The following PTDSS1 variants were observed in gnomAD, a reference collection of about 807,000 sequenced individuals.
PTDSS1 encodes phosphatidylserine synthase 1.
A neutral mutation model predicts 70.5 loss-of-function variants in PTDSS1; 45 were observed. The ratio of observed to expected loss-of-function variants is 0.64; its 90% CI spans 0.50 to 0.82. The LOEUF is 0.82. PTDSS1 is among the 40% of genes least tolerant of loss of function. PTDSS1 has a pLI of 0.00. For missense variants in PTDSS1, 417 were observed against 586.1 expected (o/e 0.71, Z 2.98); for synonymous variants, 188 against 203.8 (o/e 0.92, Z 0.66).
chr8:96,320,197 G>A (rs780800024), intron 9 of PTDSS1, 49 bp from the exon 10 acceptor site: 1 of 1,465,450 alleles, frequency 6.8e-7, no homozygotes, highest in Admixed American at 1.7e-5. Flanking sequence ...TAAAGTGTAT[G>A]CTCTGGTAAG....
chr8:96,330,830 T>C, intron 11 of PTDSS1, 196 bp from the exon 12 acceptor site: 1 of 563,240 alleles, frequency 1.8e-6, no homozygotes, highest in East Asian at 2.9e-5. Context: ...TTGTGGAAGA[T>C]TGATTCTGCA....
intron 6 of PTDSS1, among the ~76,000 whole-genome samples, chr8:96,301,833 T>C (rs981199955): frequency 3.3e-5 from 5 of 151,906 alleles, no homozygotes; most frequent in Non-Finnish European, 7.4e-5. Flanking sequence ...AGTTCTTTAG[T>C]GGTTTTACTT....
intron 10 of PTDSS1, among the ~76,000 whole-genome samples, chr8:96,326,417 T>C (rs996325829): frequency 3.9e-5 from 6 of 152,210 alleles, no homozygotes; most frequent in African/African-American, 1.2e-4. Context: ...TCAGAGAGAA[T>C]AAGTTGAAGT....
intron 10 of PTDSS1, among the ~76,000 whole-genome samples, chr8:96,329,983 G>A (rs1348124809): frequency 6.6e-6 from 1 of 152,182 alleles, no homozygotes; most frequent in Non-Finnish European, 1.5e-5. Flanking sequence ...CTTGCTTTCT[G>A]ATAGTAGAGT....
chr8:96,329,241 C>T (rs1811479720), intron 10 of PTDSS1, among the ~76,000 whole-genome samples: 1 of 152,134 alleles, frequency 6.6e-6, no homozygotes, highest in Admixed American at 6.5e-5. Flanking sequence ...GCTCAACAGC[C>T]AGGATGGCTT....
Position 96,312,910 on chromosome 8 carries a change from C to G in PTDSS1, c.1073+3288C>G, listed in dbSNP as rs574865367. ...TCCTCTCCTATCAAAACAGAAAACACTGAAGTGTGTGGTTTCCTTTAATCA... is the reference window on the plus strand; with the variant it reads ...TCCTCTCCTATCAAAACAGAAAACAGTGAAGTGTGTGGTTTCCTTTAATCA... On this transcript the variant is annotated intron_variant, in intron 9 of 12. Transcript: ENST00000517309. Among the ~76,000 whole-genome samples the G allele has an allele frequency of 1.6e-3, 246 of 152,328 alleles. 2 individuals are homozygous for G. Among genetic ancestry groups the G allele is most frequent in the Non-Finnish European group, 8.8e-4 (60 of 68,022 alleles).
At chr8:96,325,824 G>A (rs1811430899) in intron 10 of PTDSS1, among the ~76,000 whole-genome samples, 1 of 152,172 alleles carries the variant, frequency 6.6e-6, no homozygotes, top group Non-Finnish European at 1.5e-5. Context: ...CAAGATAGAG[G>A]AAAGTTATGG....
In PTDSS1 at chr8:96,333,793, T is replaced by C. The variant is rs942896655; in HGVS notation, c.*227T>C. On this transcript the variant is annotated 3_prime_UTR_variant, in exon 13 of 13. Transcript: ENST00000517309. ...TTGCCAACGTGGGGTCTCTTCTAAC[T>C]TCAGCACTTGACATGCGGTCACCGG... The C allele has an allele frequency of 8.6e-6, 6 of 700,540 alleles. No homozygotes were observed. The highest frequency in any genetic ancestry group is 1.6e-5 in the Non-Finnish European group (6 of 384,490). The allele number at this position is 700,540 out of a possible 1,614,324, so 43.4% of individuals were successfully genotyped here.
chr8:96,335,004 G>GA lies in PTDSS1; in HGVS notation c.*1440dup, dbSNP rs1278911103. ...GAATTCCAAGATGAACGGGTTGAAT[G>GA]AATCATGCCAGCCAGGGTCACATCC... On this transcript the variant is annotated 3_prime_UTR_variant, in exon 13 of 13. Coordinates refer to ENST00000517309, the MANE Select transcript of PTDSS1 (RefSeq NM_014754.3). 2 of 151,948 alleles carry GA rather than the reference G, an allele frequency of 1.3e-5. No individual in the cohort carries two copies. The allele number at this position is 151,948 out of a possible 1,614,324, so 9.4% of individuals were successfully genotyped here. A position where few individuals can be genotyped will look rare whatever the true frequency, so the allele number is the denominator to read the frequency against.
chr8:96,272,424 AT>A (rs934281419), intron 1 of PTDSS1, among the ~76,000 whole-genome samples: 4 of 152,098 alleles, frequency 2.6e-5, no homozygotes, highest in African/African-American at 9.7e-5. Context: ...CTTTGCTTTT[AT>A]TTTGTAACCT....
At chr8:96,306,729 T>G (rs1331724438) in intron 8 of PTDSS1, among the ~76,000 whole-genome samples, 173 bp downstream of exon 8, 1 of 152,226 alleles carries the variant, frequency 6.6e-6, no homozygotes, top group Non-Finnish European at 1.5e-5. Context: ...TCAGTAACAT[T>G]AACCAGACAT....
At position 96,299,805 on chromosome 8, in the gene PTDSS1, C is replaced by T. The variant is rs964046382; in HGVS notation, c.712C>T (p.Arg238Trp). 8.7e-6 allele frequency: 14 copies of T among 1,613,956 alleles called. No homozygotes were observed. The highest frequency in any genetic ancestry group is 1.1e-5 in the Non-Finnish European group (13 of 1,179,990). ...CATTTGGCTGGGCATGGTCGTTTGC[C>T]GGTTTTTAGAGATGAGGACTTACCA... is the stretch of plus-strand genomic sequence containing the variant. ...GGIWLGMVVCRFLEMRTYHWA... is the reference protein window; with the variant it reads ...GGIWLGMVVCWFLEMRTYHWA... The change falls in exon 6 of 13, where the codon CGG becomes TGG. Residue 238 changes from arginine to tryptophan, a missense_variant. Around this residue, in one of 3 missense-constraint regions of PTDSS1, gnomAD observed 272 missense variants for 429.5 expected, o/e 0.63. Transcript: ENST00000517309.
In PTDSS1 at chr8:96,306,385, A is replaced by G. The variant is rs906697440; in HGVS notation, c.895-59A>G. 1.6e-5 allele frequency: 19 copies of G among 1,178,618 alleles called. No homozygotes were observed. In the African/African-American group the frequency reaches 2.7e-4, roughly 17 times the overall value. 73.0% of individuals were successfully genotyped at this position (1,178,618 alleles called of 1,614,324 possible). ...TAATTGTAGAATGTCTATTTAAGGA[A>G]TAGAGGATTTTGAATTAGCATGAGG... is the stretch of plus-strand genomic sequence containing the variant. On this transcript the variant is annotated intron_variant, in intron 7 of 12. Coordinates refer to ENST00000517309, the MANE Select transcript of PTDSS1 (RefSeq NM_014754.3).
intron 6 of PTDSS1, among the ~76,000 whole-genome samples, chr8:96,303,144 T>C (rs1236217091): frequency 6.6e-6 from 1 of 152,272 alleles, no homozygotes; most frequent in Non-Finnish European, 1.5e-5. Context: ...ATTCCCATTT[T>C]CTTCTCAGTC....
chr8:96,318,904 T>C lies in PTDSS1; in HGVS notation c.1074-1342T>C, dbSNP rs1811334140. 3.2e-4 allele frequency among the ~76,000 whole-genome samples: 18 copies of C among 55,940 alleles called. 1 individual carries two copies. In the South Asian group the frequency reaches 0.01, roughly 31 times the overall value. The allele number at this position is 55,940 out of a possible 152,430, so 36.7% of individuals were successfully genotyped here. A position where few individuals can be genotyped will look rare whatever the true frequency, so the allele number is the denominator to read the frequency against. On this transcript the variant is annotated intron_variant, in intron 9 of 12. Transcript: ENST00000517309. ...GGGCCTTCTTGGCCCCTTCTTGCCT[T>C]TTTTTTTTTTTTTTTTTTTTTTTTG...
At chr8:96,318,641 T>C (rs1811329234) in intron 9 of PTDSS1, among the ~76,000 whole-genome samples, 1 of 152,200 alleles carries the variant, frequency 6.6e-6, no homozygotes, top group Non-Finnish European at 1.5e-5. Context: ...GTGACATGCT[T>C]TGTGGAGCAG....
At chr8:96,305,081 A>C (rs148665301) in intron 7 of PTDSS1, among the ~76,000 whole-genome samples, 1 of 152,154 alleles carries the variant, frequency 6.6e-6, no homozygotes, top group Non-Finnish European at 1.5e-5. Context: ...TAAAAACAGG[A>C]CTGTAGATGG....
At chr8:96,289,763 A>C (rs930929281) in intron 4 of PTDSS1, among the ~76,000 whole-genome samples, 17 of 152,220 alleles carry the variant, frequency 1.1e-4, no homozygotes, top group Non-Finnish European at 2.2e-4. Flanking sequence ...GACATTGGTC[A>C]AATCCTTCTT....
intron 9 of PTDSS1, among the ~76,000 whole-genome samples, chr8:96,311,389 G>A (rs192214527): frequency 1.3e-5 from 2 of 152,268 alleles, no homozygotes. Context: ...TTTTAAACAG[G>A]ACATTCTTCC....
Sources: gnomAD v4.1 joint callset for allele counts (sites outside exome capture counted in the v4.1 genomes callset) on GRCh38, gnomAD v4.1.1 for gene constraint, gnomAD v4.1.1 regional missense constraint, MANE v1.5 for transcripts, NCBI Gene and HGNC (gene_info 2026-07-23, HGNC 2026-07-21) for gene names.